The following PLEKHA6 variants were observed in gnomAD, a reference collection of about 807,000 sequenced individuals.
The protein encoded by PLEKHA6 is pleckstrin homology domain containing A6, also known as pleckstrin homology domain-containing family A member 6.
PLEKHA6 carries 60 observed loss-of-function variants against 116.7 expected under a neutral mutation model. The observed-to-expected ratio is 0.51, with a 90% CI of 0.42 to 0.64. The LOEUF (loss-of-function observed/expected upper bound fraction) is 0.64, where lower values mean the gene tolerates loss of function less well. Ranked by LOEUF, PLEKHA6 falls within the 30% of genes least tolerant of loss-of-function variation. The probability of loss-of-function intolerance (pLI) is 0.00; values close to 1 mark genes in which losing one functional copy is unlikely to be tolerated. For missense variants in PLEKHA6, 1,338 were observed against 1,422.7 expected (o/e 0.94, Z 0.96); for synonymous variants, 489 against 556.1 (o/e 0.88, Z 1.70).
At chr1:204,271,184 A>G (rs1667411857) in intron 3 of PLEKHA6, among the ~76,000 whole-genome samples, 1 of 152,142 alleles carries the variant, frequency 6.6e-6, no homozygotes, top group Non-Finnish European at 1.5e-5. Context: ...GTGGCCCAAG[A>G]CAATCTTTCT....
At position 204,221,204 on chromosome 1, in the gene PLEKHA6, G is replaced by C. The variant is rs1399196059; in HGVS notation, c.*1584C>G. 1 of 152,660 alleles carries C rather than the reference G, an allele frequency of 6.6e-6. No homozygotes were observed. The highest frequency in any genetic ancestry group is 1.5e-5 in the Non-Finnish European group (1 of 68,046). The allele number at this position is 152,660 out of a possible 1,614,324, so 9.5% of individuals were successfully genotyped here. Reference sequence around the variant, plus strand: ...TACAACAGTGCCTGGTACATAAAAGGTGCTCGATAAATATTTGTTGAGTAA... The same window carrying C: ...TACAACAGTGCCTGGTACATAAAAGCTGCTCGATAAATATTTGTTGAGTAA... On this transcript the variant is annotated 3_prime_UTR_variant, in exon 23 of 23. Coordinates refer to ENST00000272203, the MANE Select transcript of PLEKHA6 (RefSeq NM_014935.5).
chr1:204,346,979 C>T, intron 1 of PLEKHA6: 1 of 1,241,956 alleles, frequency 8.1e-7, no homozygotes, highest in Admixed American at 1.7e-5. Flanking sequence ...TTAATGTGCT[C>T]AATACGCACA....
chr1:204,225,706 C>A (rs2102383913), intron 21 of PLEKHA6, among the ~76,000 whole-genome samples: 1 of 152,284 alleles, frequency 6.6e-6, no homozygotes, highest in African/African-American at 2.4e-5. Context: ...TACCATATAC[C>A]ACCTGGATTC....
At chr1:204,354,987 G>T (rs1673376771) in intron 1 of PLEKHA6, among the ~76,000 whole-genome samples, 1 of 152,210 alleles carries the variant, frequency 6.6e-6, no homozygotes, top group Non-Finnish European at 1.5e-5. Context: ...TTCTCCTGGA[G>T]GAAGTGGCTG....
chr1:204,347,093 G>A (rs138563718), intron 1 of PLEKHA6: 155 of 1,277,190 alleles, frequency 1.2e-4, no homozygotes, highest in African/African-American at 2.9e-4. Context: ...CCGTGGTAAC[G>A]CGTGTGGGGC....
chr1:204,252,466 A>T (rs1234217038), intron 9 of PLEKHA6, among the ~76,000 whole-genome samples: 2 of 152,026 alleles, frequency 1.3e-5, no homozygotes, highest in African/African-American at 4.8e-5. Flanking sequence ...GATATCAGGG[A>T]ATGTCTTTGG....
intron 18 of PLEKHA6, 81 bp downstream of exon 18, chr1:204,230,332 G>T: frequency 8.4e-7 from 1 of 1,192,540 alleles, no homozygotes; most frequent in Non-Finnish European, 1.1e-6. Flanking sequence ...AACCCCCCAG[G>T]CCCAAGCTGG....
chr1:204,232,684 A>G (rs1661361862), intron 17 of PLEKHA6, among the ~76,000 whole-genome samples: 1 of 152,256 alleles, frequency 6.6e-6, no homozygotes, highest in African/African-American at 2.4e-5. Flanking sequence ...CTACTTAACT[A>G]CAAACACATG....
intron 2 of PLEKHA6, 120 bp from the exon 3 acceptor site, chr1:204,273,860 T>C (rs1228596648): frequency 2.9e-6 from 2 of 682,936 alleles, no homozygotes; most frequent in East Asian, 2.7e-5. Flanking sequence ...ATTAGATCTC[T>C]TGAGTGCCAT....
intron 1 of PLEKHA6, among the ~76,000 whole-genome samples, chr1:204,331,041 A>G: frequency 6.6e-6 from 1 of 151,922 alleles, no homozygotes; most frequent in East Asian, 1.9e-4. Flanking sequence ...CTAAAAATAC[A>G]AAAAAATTAG....
chr1:204,280,399 C>G (rs1368814692), intron 1 of PLEKHA6: 2 of 985,140 alleles, frequency 2.0e-6, no homozygotes, highest in African/African-American at 1.7e-5. Flanking sequence ...CCACTGTGAT[C>G]AATATTGAAC....
intron 4 of PLEKHA6, 127 bp downstream of exon 4, chr1:204,268,081 A>T (rs1571985193): frequency 1.8e-6 from 1 of 544,842 alleles, no homozygotes; most frequent in Admixed American, 3.6e-5. Context: ...AAATTAGGAG[A>T]CTCATTCACA....
At chr1:204,318,199 G>C (rs1671929409) in intron 1 of PLEKHA6, among the ~76,000 whole-genome samples, 1 of 152,196 alleles carries the variant, frequency 6.6e-6, no homozygotes, top group Non-Finnish European at 1.5e-5. Flanking sequence ...ACAGGTGTCT[G>C]TCCTGGCTTT....
At position 204,218,853 on chromosome 1, in the gene PLEKHA6, TACA is replaced by T. The variant is rs1659352303; in HGVS notation, c.*3932_*3934del. Reference sequence around the variant, plus strand: ...CCGAGTAGGAGACACACACCACATATACAAACCATTCATTTTATTTCCTGTATT... The same window carrying T: ...CCGAGTAGGAGACACACACCACATATAACCATTCATTTTATTTCCTGTATT... On this transcript the variant is annotated 3_prime_UTR_variant, in exon 23 of 23. Transcript: ENST00000272203. 3 of 152,356 alleles carry T rather than the reference TACA, an allele frequency of 2.0e-5. No homozygotes were observed. Among genetic ancestry groups the T allele is most frequent in the Admixed American group, 2.0e-4 (3 of 15,246 alleles). 9.4% of individuals were successfully genotyped at this position (152,356 alleles called of 1,614,324 possible).
intron 1 of PLEKHA6, among the ~76,000 whole-genome samples, chr1:204,283,624 G>GA (rs1558135582): frequency 1.3e-5 from 2 of 152,254 alleles, no homozygotes; most frequent in Non-Finnish European, 2.9e-5. Flanking sequence ...CTGTTCCTGC[G>GA]ATGCACCCAA....
chr1:204,369,877 G>GTCAGGAGGCCTCGCTGC (rs1419779929), intron 2 of PLEKHA6, among the ~76,000 whole-genome samples: 2 of 152,210 alleles, frequency 1.3e-5, no homozygotes, highest in Non-Finnish European at 2.9e-5. Context: ...TGGCCTTAGA[G>GTCAGGAGGCCTCGCTGC]TCAGGAGGCC....
At position 204,277,660 on chromosome 1, in the gene PLEKHA6, G is replaced by GT. The variant is rs1449350607; in HGVS notation, c.-94-2852dup. The stretch of plus-strand genomic sequence containing the variant: ...AAATGAAGCTCCCGATTCATCTGCT[G>GT]TTATTGCTGCCGCTGCTGAGAAGCT... On this transcript the variant is annotated intron_variant, in intron 1 of 22. Coordinates refer to ENST00000272203, the MANE Select transcript of PLEKHA6 (RefSeq NM_014935.5). The surrounding 1 kb of genome is among the most constrained non-coding windows in gnomAD (Gnocchi z 4.1). 3 of 152,238 alleles carry GT rather than the reference G, an allele frequency of 2.0e-5. No individual in the cohort carries two copies. Among genetic ancestry groups the GT allele is most frequent in the Non-Finnish European group, 4.4e-5 (3 of 68,050 alleles). The allele number at this position is 152,238 out of a possible 1,614,324, so 9.4% of individuals were successfully genotyped here.
chr1:204,287,396 G>A (rs1025980651), intron 1 of PLEKHA6, among the ~76,000 whole-genome samples: 3 of 152,122 alleles, frequency 2.0e-5, no homozygotes, highest in East Asian at 1.9e-4. Flanking sequence ...GGGTCAAAGA[G>A]CACAAATGTT....
At chr1:204,286,931 C>T (rs1669248304) in intron 1 of PLEKHA6, among the ~76,000 whole-genome samples, 1 of 152,196 alleles carries the variant, frequency 6.6e-6, no homozygotes, top group South Asian at 2.1e-4. Context: ...CACCTTCCCC[C>T]TATTGTGCCT....
Sources: allele counts gnomAD v4.1 joint callset (sites outside exome capture counted in the v4.1 genomes callset), GRCh38; gene constraint gnomAD v4.1.1; non-coding constraint Gnocchi (gnomAD v3.1); transcripts MANE v1.5; gene names NCBI Gene and HGNC (gene_info 2026-07-23, HGNC 2026-07-21).